The following NGF variants were observed in gnomAD, a reference collection of about 807,000 sequenced individuals.
NGF encodes nerve growth factor, also known as beta-nerve growth factor.
A neutral mutation model predicts 12.8 loss-of-function variants in NGF; 4 were observed. The ratio of observed to expected loss-of-function variants is 0.31; its 90% CI spans 0.15 to 0.72. The LOEUF is 0.72. NGF is among the 30% of genes least tolerant of loss of function. The pLI, the probability that NGF is intolerant of heterozygous loss-of-function variation, is 0.69. For missense variants in NGF, 283 were observed against 330.8 expected (o/e 0.86, Z 1.12); for synonymous variants, 140 against 130.0 (o/e 1.08, Z -0.52).
intron 2 of NGF, among the ~76,000 whole-genome samples, chr1:115,288,532 G>A (rs925690864): frequency 1.3e-5 from 2 of 152,058 alleles, no homozygotes; most frequent in South Asian, 4.1e-4. Context: ...CTCCTTCAAA[G>A]CCATTTTTAT....
intron 1 of NGF, among the ~76,000 whole-genome samples, chr1:115,304,355 G>GTTTTT (rs1292976476): frequency 4.6e-5 from 1 of 21,830 alleles, no homozygotes; most frequent in African/African-American, 1.0e-4. Flanking sequence ...TGTATTTTTA[G>GTTTTT]TAGAGATGAG....
intron 1 of NGF, among the ~76,000 whole-genome samples, chr1:115,304,121 C>T (rs1654127389): frequency 2.6e-5 from 4 of 151,850 alleles, no homozygotes; most frequent in Admixed American, 2.0e-4. Context: ...AAGAGCAATA[C>T]CTGTAATGGT....
chr1:115,292,381 A>G (rs576772295), intron 2 of NGF, among the ~76,000 whole-genome samples: 5 of 152,304 alleles, frequency 3.3e-5, no homozygotes, highest in African/African-American at 9.6e-5. Flanking sequence ...TTGTTACACT[A>G]TAGACTGCTG....
At chr1:115,325,975 T>C (rs780161719) in intron 1 of NGF, among the ~76,000 whole-genome samples, 5 of 152,012 alleles carry the variant, frequency 3.3e-5, no homozygotes, top group African/African-American at 4.8e-5. Context: ...CCTTTAGACA[T>C]CCAAGTAGAC....
chr1:115,293,528 G>T (rs1031095436), intron 2 of NGF, 99 bp downstream of exon 2: 2 of 152,666 alleles, frequency 1.3e-5, no homozygotes, highest in Admixed American at 1.3e-4. Flanking sequence ...TCAGCAGTTG[G>T]TTCTGACTTG....
intron 1 of NGF, among the ~76,000 whole-genome samples, chr1:115,332,203 T>C (rs1654941761): frequency 6.6e-6 from 1 of 152,240 alleles, no homozygotes. Flanking sequence ...ATGCCTTATT[T>C]AGAGAGCATT....
chr1:115,319,402 T>C (rs566992202), intron 1 of NGF, among the ~76,000 whole-genome samples: 1 of 152,170 alleles, frequency 6.6e-6, no homozygotes, highest in Admixed American at 6.5e-5. Context: ...CACACATGTG[T>C]ACATGTACTC....
chr1:115,333,691 TTC>T (rs1487116758), intron 1 of NGF, among the ~76,000 whole-genome samples: 1 of 58,418 alleles, frequency 1.7e-5, no homozygotes, highest in African/African-American at 2.1e-4. Flanking sequence ...CTTTCTTTCT[TTC>T]TTTCTTTCTT....
At chr1:115,303,437 CCTCCAACACCATCATCACCACTACTTT>C (rs1654099309) in intron 1 of NGF, among the ~76,000 whole-genome samples, 1 of 152,056 alleles carries the variant, frequency 6.6e-6, no homozygotes, top group Admixed American at 6.5e-5. Flanking sequence ...ACCATCACCT[CCTCCAACACCATCATCACCACTACTTT>C]CTCCATCACC....
At chr1:115,314,694 C>T (rs986054929) in intron 1 of NGF, among the ~76,000 whole-genome samples, 1 of 152,156 alleles carries the variant, frequency 6.6e-6, no homozygotes, top group Non-Finnish European at 1.5e-5. Flanking sequence ...TGTTGATTCA[C>T]TTGTTTAGCA....
intron 1 of NGF, among the ~76,000 whole-genome samples, chr1:115,298,662 C>T (rs1047852518): frequency 1.3e-5 from 2 of 151,972 alleles, no homozygotes; most frequent in Non-Finnish European, 2.9e-5. Flanking sequence ...GAGGACTGGT[C>T]CCAGAGGTCT....
chr1:115,323,424 T>C (rs1423212848), intron 1 of NGF, among the ~76,000 whole-genome samples: 1 of 152,156 alleles, frequency 6.6e-6, no homozygotes. Flanking sequence ...CAAAGTGGCC[T>C]GTCAGCAGCT....
rs117025619 is a variant in NGF at position 115,292,567 on chromosome 1, G to A, written c.-13+1060C>T. ...AGAAGACAAAAATGAGCCTTGGAGA[G>A]GCTAAGTGACTTGGGCTTTTGCAGC... On this transcript the variant is annotated intron_variant, in intron 2 of 2. Transcript: ENST00000369512. Among the ~76,000 whole-genome samples, 57 of 152,306 alleles carry A rather than the reference G, an allele frequency of 3.7e-4. No individual in the cohort carries two copies. In the East Asian group the frequency reaches 0.011, roughly 29 times the overall value.
At position 115,299,959 on chromosome 1, in the gene NGF, A is replaced by C. The variant is rs549781106; in HGVS notation, c.-136-6209T>G. Among the ~76,000 whole-genome samples, 4 of 152,334 alleles carry C rather than the reference A, an allele frequency of 2.6e-5. No individual in the cohort carries two copies. The East Asian group carries it at 7.7e-4, about 29-fold the overall frequency. ...GAGTCAAGGTTCGCATGTAATCATA[A>C]CAGCACCTATGGAGTCTCCAGGCTA... On this transcript the variant is annotated intron_variant, in intron 1 of 2. Coordinates refer to ENST00000369512, the MANE Select transcript of NGF (RefSeq NM_002506.3).
intron 1 of NGF, among the ~76,000 whole-genome samples, chr1:115,310,102 G>C (rs1373237141): frequency 2.0e-5 from 3 of 152,218 alleles, no homozygotes; most frequent in Admixed American, 6.5e-5. Flanking sequence ...TGTGAAGACA[G>C]TAAGAATCAA....
intron 2 of NGF, among the ~76,000 whole-genome samples, chr1:115,288,644 A>T (rs1433850027): frequency 6.6e-6 from 1 of 151,980 alleles, no homozygotes; most frequent in Non-Finnish European, 1.5e-5. Flanking sequence ...TTTGTGCATA[A>T]CCCTATCACC....
intron 1 of NGF, among the ~76,000 whole-genome samples, chr1:115,334,290 G>C (rs1655050394): frequency 6.6e-6 from 1 of 152,208 alleles, no homozygotes; most frequent in East Asian, 1.9e-4. Flanking sequence ...CCTGATGCCA[G>C]AGTGTGATCC....
At chr1:115,337,774 C>T (rs1050728705) in intron 1 of NGF, among the ~76,000 whole-genome samples, 1 of 152,160 alleles carries the variant, frequency 6.6e-6, no homozygotes, top group Non-Finnish European at 1.5e-5. Flanking sequence ...CTGCGCTCCC[C>T]CCGCGGTGCT....
rs1417671436 is a variant in NGF, at chr1:115,291,246, C to A, written c.-13+2381G>T. ...AAACTTTTAAGTTTAAAAAAAAACT[C>A]TCTTAAAAGTGATCAGTAGATAAAA... On this transcript the variant is annotated intron_variant, in intron 2 of 2. Transcript: ENST00000369512. Among the ~76,000 whole-genome samples the A allele has an allele frequency of 2.0e-5, 3 of 152,220 alleles. No homozygotes were observed. The East Asian group carries it at 5.8e-4, about 29-fold the overall frequency.
Sources: allele counts gnomAD v4.1 joint callset (sites outside exome capture counted in the v4.1 genomes callset), GRCh38; gene constraint gnomAD v4.1.1; transcripts MANE v1.5; gene names NCBI Gene and HGNC (gene_info 2026-07-23, HGNC 2026-07-21).